The following SMCO2 variants were observed in gnomAD, a reference collection of about 807,000 sequenced individuals.
SMCO2 encodes the protein single-pass membrane and coiled-coil domain-containing protein 2.
SMCO2 carries 25 observed loss-of-function variants against 29.5 expected under a neutral mutation model. The observed-to-expected ratio is 0.85, with a 90% CI of 0.62 to 1.18. The LOEUF is 1.18. SMCO2 is among the 50% of genes most tolerant of loss of function. The probability of loss-of-function intolerance (pLI) is 0.00; values close to 1 mark genes in which losing one functional copy is unlikely to be tolerated. For missense variants in SMCO2, 348 were observed against 344.5 expected, an observed-to-expected ratio of 1.01 and a Z score of -0.08; for synonymous variants, 117 against 123.3, an observed-to-expected ratio of 0.95 and a Z score of 0.34.
chr12:27,481,832 A>G (rs1362365783), intron 4 of SMCO2, among the ~76,000 whole-genome samples: 1 of 152,128 alleles, frequency 6.6e-6, no homozygotes, highest in Non-Finnish European at 1.5e-5. Context: ...TAGCATCTGT[A>G]TTGATGTCTC....
chr12:27,434,307 T>A, the SMCO2 span, among the ~76,000 whole-genome samples: 1 of 152,214 alleles, frequency 6.6e-6, no homozygotes, highest in Non-Finnish European at 1.5e-5. Context: ...TAATAGGCCC[T>A]CTACGTGATT....
At chr12:27,427,648 G>A in the SMCO2 span, among the ~76,000 whole-genome samples, 2 of 152,178 alleles carry the variant, frequency 1.3e-5, no homozygotes, top group African/African-American at 4.8e-5. Context: ...ACAGCCTGGA[G>A]CCAGAGAGGG....
chr12:27,441,213 C>T, the SMCO2 span, among the ~76,000 whole-genome samples: 1 of 152,016 alleles, frequency 6.6e-6, no homozygotes, highest in Non-Finnish European at 1.5e-5. Context: ...GAGCCATGGT[C>T]GTGCCACTGC....
At chr12:27,450,038 T>G in the SMCO2 span, among the ~76,000 whole-genome samples, 2 of 152,236 alleles carry the variant, frequency 1.3e-5, no homozygotes, top group East Asian at 3.8e-4. Flanking sequence ...TTGTCTCCTC[T>G]TAAGTCAATC....
chr12:27,458,510 T>G, the SMCO2 span, among the ~76,000 whole-genome samples: 1 of 152,154 alleles, frequency 6.6e-6, no homozygotes, highest in Non-Finnish European at 1.5e-5. Context: ...ACAATTAAAT[T>G]TAATATTATC....
upstream of SMCO2, among the ~76,000 whole-genome samples, chr12:27,463,266 T>C (rs1373785790): frequency 1.3e-5 from 2 of 152,180 alleles, no homozygotes; most frequent in Non-Finnish European, 2.9e-5. Context: ...TTTCTTTATG[T>C]CTTTCTTTAT....
upstream of SMCO2, among the ~76,000 whole-genome samples, chr12:27,462,985 G>A (rs769544807): frequency 6.6e-6 from 1 of 152,196 alleles, no homozygotes; most frequent in Non-Finnish European, 1.5e-5. Flanking sequence ...CTGGTGGCTG[G>A]CAGGTGGGAC....
chr12:27,461,372 T>C, the SMCO2 span, among the ~76,000 whole-genome samples: 1 of 152,160 alleles, frequency 6.6e-6, no homozygotes, highest in South Asian at 2.1e-4. Flanking sequence ...AGCATAGTAC[T>C]CAATAGGTAG....
the SMCO2 span, among the ~76,000 whole-genome samples, chr12:27,459,186 C>CAAAAAA: frequency 1.1e-5 from 1 of 94,708 alleles, no homozygotes; most frequent in Non-Finnish European, 2.1e-5. Flanking sequence ...GACTCCATCT[C>CAAAAAA]AAAAAAAAAA....
At chr12:27,477,472 T>A (rs1176767479) in intron 4 of SMCO2, among the ~76,000 whole-genome samples, 1 of 151,968 alleles carries the variant, frequency 6.6e-6, no homozygotes, top group African/African-American at 2.4e-5. Context: ...TATTTGAATG[T>A]CTATCTCTTG....
chr12:27,466,411 C>T (rs1949498995), upstream of SMCO2, among the ~76,000 whole-genome samples: 1 of 151,884 alleles, frequency 6.6e-6, no homozygotes, highest in Non-Finnish European at 1.5e-5. Flanking sequence ...GAGTCTGACT[C>T]AAAAAATAAA....
rs373414040 is a variant in SMCO2 at position 27,501,276 on chromosome 12, C to T, written c.684-647C>T. ...CTAAAAATACAAAAAATTAGCCGGG[C>T]GTGGTGGTGGGCGCCTGTAATCCCA... On this transcript the variant is annotated intron_variant, in intron 7 of 7. Transcript: ENST00000298876. Among the ~76,000 whole-genome samples, 29 of 148,264 alleles carry T rather than the reference C, an allele frequency of 2.0e-4. 1 individual carries two copies. Among genetic ancestry groups the T allele is most frequent in the Middle Eastern group, 3.4e-3 (1 of 290 alleles).
the SMCO2 span, among the ~76,000 whole-genome samples, chr12:27,442,156 A>G: frequency 6.6e-6 from 1 of 152,214 alleles, no homozygotes; most frequent in Admixed American, 6.5e-5. Context: ...GGAATTAGAC[A>G]AGCATGAACA....
chr12:27,461,396 C>T, the SMCO2 span, among the ~76,000 whole-genome samples: 1 of 152,136 alleles, frequency 6.6e-6, no homozygotes, highest in Admixed American at 6.5e-5. Context: ...TTCAATCCTC[C>T]TCCTCCTCCA....
chr12:27,465,048 A>AAG (rs1555173083), upstream of SMCO2, among the ~76,000 whole-genome samples: 65 of 147,196 alleles, frequency 4.4e-4, no homozygotes, highest in African/African-American at 1.5e-3. Flanking sequence ...AAAAAAAAAA[A>AAG]AAAGAAAGAA....
chr12:27,460,937 G>A, the SMCO2 span, among the ~76,000 whole-genome samples: 341 of 152,260 alleles, frequency 2.2e-3, no homozygotes, highest in African/African-American at 7.8e-3. Flanking sequence ...CTGTGCAAGG[G>A]CATGATATGA....
At chr12:27,488,589 C>A (rs773980437) in intron 5 of SMCO2, 42 bp downstream of exon 6, 1 of 1,421,124 alleles carries the variant, frequency 7.0e-7, no homozygotes, top group South Asian at 1.4e-5. Context: ...TTGGGGATTT[C>A]TGTCACTTCT....
chr12:27,426,857 G>A, the SMCO2 span, among the ~76,000 whole-genome samples: 1 of 152,118 alleles, frequency 6.6e-6, no homozygotes, highest in Non-Finnish European at 1.5e-5. Context: ...GCACAAAGAG[G>A]TAAACAATTT....
At chr12:27,448,231 A>G in the SMCO2 span, among the ~76,000 whole-genome samples, 1 of 152,122 alleles carries the variant, frequency 6.6e-6, no homozygotes, top group Non-Finnish European at 1.5e-5. Flanking sequence ...TCATTGTTAA[A>G]TTGAGAATAT....
Sources: gnomAD v4.1 joint callset for allele counts (sites outside exome capture counted in the v4.1 genomes callset) on GRCh38, gnomAD v4.1.1 for gene constraint, MANE v1.5 for transcripts, NCBI Gene and HGNC (gene_info 2026-07-23, HGNC 2026-07-21) for gene names.